The following CIB4 variants were observed in gnomAD, a reference collection of about 807,000 sequenced individuals.
CIB4 encodes the protein calcium and integrin binding family member 4, also known as calcium and integrin-binding family member 4.
A neutral mutation model predicts 25.8 loss-of-function variants in CIB4; 25 were observed. That is an observed-to-expected ratio of 0.97 (90% CI 0.71 to 1.35). The LOEUF (loss-of-function observed/expected upper bound fraction) is 1.35, where lower values mean the gene tolerates loss of function less well. CIB4 is among the 40% of genes most tolerant of loss of function. CIB4 has a pLI of 0.00. For synonymous variants in CIB4, 75 were observed against 81.4 expected (o/e 0.92, Z 0.42); for missense variants, 235 against 228.2 (o/e 1.03, Z -0.19).
chr2:26,620,008 A>G (rs974132877), intron 3 of CIB4, among the ~76,000 whole-genome samples: 1 of 149,086 alleles, frequency 6.7e-6, no homozygotes, highest in Non-Finnish European at 1.5e-5. Flanking sequence ...TCCATCCCGG[A>G]ATCCCCTACA....
At chr2:26,589,078 T>C (rs796118730) in intron 4 of CIB4, among the ~76,000 whole-genome samples, 563 of 32,344 alleles carry the variant, frequency 0.017, 30 homozygotes, top group African/African-American at 0.034. Context: ...CTTCCTCTTC[T>C]TCTTCTTCTT....
chr2:26,591,247 C>T (rs754959281), intron 4 of CIB4, among the ~76,000 whole-genome samples: 1 of 152,206 alleles, frequency 6.6e-6, no homozygotes, highest in Non-Finnish European at 1.5e-5. Flanking sequence ...GGCTGGTCAC[C>T]TATCCCAGGG....
At chr2:26,619,739 C>A (rs924536850) in intron 3 of CIB4, among the ~76,000 whole-genome samples, 1 of 151,944 alleles carries the variant, frequency 6.6e-6, no homozygotes, top group African/African-American at 2.4e-5. Flanking sequence ...GTGACACCAC[C>A]CCGATCTCCA....
intron 4 of CIB4, among the ~76,000 whole-genome samples, chr2:26,589,072 C>T (rs12470658): frequency 0.37 from 14,666 of 39,508 alleles, 3,462 homozygotes; most frequent in South Asian, 0.43. Flanking sequence ...CTTCCTCTTC[C>T]TCTTCTTCTT....
intron 3 of CIB4, among the ~76,000 whole-genome samples, chr2:26,606,867 G>A (rs1277891895): frequency 6.6e-6 from 1 of 152,178 alleles, no homozygotes; most frequent in Non-Finnish European, 1.5e-5. Flanking sequence ...GGGCTGGCAG[G>A]GTCAGGCTAA....
intron 3 of CIB4, among the ~76,000 whole-genome samples, chr2:26,619,702 C>T (rs532311469): frequency 6.6e-6 from 1 of 152,324 alleles, no homozygotes; most frequent in East Asian, 1.9e-4. Context: ...TTTGAGGAAG[C>T]AGGACCCAAA....
chr2:26,595,967 TGTG>T (rs2148197981), intron 3 of CIB4, among the ~76,000 whole-genome samples: 1 of 152,304 alleles, frequency 6.6e-6, no homozygotes, highest in African/African-American at 2.4e-5. Context: ...GGACAGTTGA[TGTG>T]GTAGCTGCTG....
At chr2:26,640,079 A>C (rs1669606893) in intron 2 of CIB4, among the ~76,000 whole-genome samples, 1 of 140,184 alleles carries the variant, frequency 7.1e-6, no homozygotes, top group Non-Finnish European at 1.6e-5. Context: ...AGGCCAGCAC[A>C]TCACAGGCAC....
chr2:26,609,849 C>T (rs62129478), intron 3 of CIB4, among the ~76,000 whole-genome samples: 14,247 of 152,194 alleles, frequency 0.094, 907 homozygotes, highest in Admixed American at 0.23. Context: ...AACAAAGTTC[C>T]GAACAACCAA....
chr2:26,589,434 G>A (rs980747011), intron 4 of CIB4, among the ~76,000 whole-genome samples: 2 of 152,014 alleles, frequency 1.3e-5, no homozygotes, highest in African/African-American at 4.8e-5. Context: ...TGATTCTCTT[G>A]CCTCAGCCTC....
At chr2:26,635,962 A>G (rs1275925) in intron 2 of CIB4, among the ~76,000 whole-genome samples, 75,780 of 152,010 alleles carry the variant, frequency 0.5, 19,896 homozygotes, top group Admixed American at 0.6. Flanking sequence ...CAAATACTCC[A>G]TACCCCACAC....
At position 26,581,405 on chromosome 2, in the gene CIB4, A is replaced by C. The variant is rs1668335692; in HGVS notation, c.528-12T>G. 3 of 1,613,600 alleles carry C rather than the reference A, an allele frequency of 1.9e-6. No individual in the cohort carries two copies. Among genetic ancestry groups the C allele is most frequent in the Non-Finnish European group, 2.5e-6 (3 of 1,179,684 alleles). Reference sequence around the variant, plus strand: ...GAATCCGAAAGGAGCTGAAAGAAAGAATCCCGTGAGCCATGTGAGCCCGCA... The same window carrying C: ...GAATCCGAAAGGAGCTGAAAGAAAGCATCCCGTGAGCCATGTGAGCCCGCA... On this transcript the variant is annotated splice_polypyrimidine_tract_variant and intron_variant, in intron 6 of 6. Transcript: ENST00000288861.
intron 5 of CIB4, 37 bp downstream of exon 5, chr2:26,583,752 C>G (rs752062596): frequency 7.1e-7 from 1 of 1,405,790 alleles, no homozygotes; most frequent in South Asian, 1.2e-5. Flanking sequence ...CCCCTATCCC[C>G]GGCCCCAGCC....
At chr2:26,599,587 T>A (rs1277030072) in intron 3 of CIB4, among the ~76,000 whole-genome samples, 1 of 152,198 alleles carries the variant, frequency 6.6e-6, no homozygotes, top group Non-Finnish European at 1.5e-5. Flanking sequence ...AATGATGATG[T>A]CATTGATGCA....
chr2:26,624,446 C>T (rs1463286292), intron 3 of CIB4, among the ~76,000 whole-genome samples: 1 of 152,174 alleles, frequency 6.6e-6, no homozygotes, highest in Admixed American at 6.5e-5. Context: ...TCTCCAAAAG[C>T]TGGTCTGAGC....
intron 2 of CIB4, among the ~76,000 whole-genome samples, chr2:26,634,010 C>T (rs181587740): frequency 2.6e-5 from 4 of 152,314 alleles, no homozygotes; most frequent in Non-Finnish European, 5.9e-5. Context: ...TACCCCCTTG[C>T]CTCTGAGACC....
chr2:26,592,732 T>C (rs80346771), intron 4 of CIB4, among the ~76,000 whole-genome samples: 4,842 of 152,322 alleles, frequency 0.032, 282 homozygotes, highest in African/African-American at 0.11. Context: ...CTCAATTCTC[T>C]CGTTAAGCTC....
chr2:26,582,842 C>A lies in CIB4; in HGVS notation c.510G>T (p.Lys170Asn). 2 of 1,612,620 alleles carry A rather than the reference C, an allele frequency of 1.2e-6. No individual in the cohort carries two copies. Among genetic ancestry groups the A allele is most frequent in the Non-Finnish European group, 1.7e-6 (2 of 1,178,684 alleles). Residue 170 changes from lysine to asparagine, a missense_variant, in exon 6 of 7, where the codon AAG (lysine) becomes AAT (asparagine). Coordinates refer to ENST00000288861, the MANE Select transcript of CIB4 (RefSeq NM_001029881.3). Reference sequence around the variant, plus strand: ...TGCCTTACTTCATGAAATCTGGAGACTTGGCCATTGCATGTTCAAACTCTG... The same window carrying A: ...TGCCTTACTTCATGAAATCTGGAGAATTGGCCATTGCATGTTCAAACTCTG... ...SFSEFEHAMA[K>N]SPDFMNSFRI... is the part of the protein sequence containing the mutation.
chr2:26,632,216 C>T (rs968598721), intron 2 of CIB4, among the ~76,000 whole-genome samples: 2 of 152,204 alleles, frequency 1.3e-5, no homozygotes, highest in Admixed American at 1.3e-4. Context: ...TAGGGCCTGA[C>T]AGATGGGAGC....
Sources: allele counts gnomAD v4.1 joint callset (sites outside exome capture counted in the v4.1 genomes callset), GRCh38; gene constraint gnomAD v4.1.1; transcripts MANE v1.5; gene names NCBI Gene and HGNC (gene_info 2026-07-23, HGNC 2026-07-21).